Variants in ULK4 observed in about 807,000 individuals in gnomAD.
ULK4 encodes the protein inactive serine/threonine-protein kinase ULK4.
ULK4 carries 133 observed loss-of-function variants against 160.6 expected under a neutral mutation model. The observed-to-expected ratio is 0.83, with a 90% CI of 0.72 to 0.96. The LOEUF (loss-of-function observed/expected upper bound fraction) is 0.96, where lower values mean the gene tolerates loss of function less well. Ranked by LOEUF, ULK4 falls within the 40% of genes least tolerant of loss-of-function variation. The pLI is 0.00. For synonymous variants in ULK4, 534 were observed against 539.8 expected (o/e 0.99, Z 0.15); for missense variants, 1,580 against 1,499.5 (o/e 1.05, Z -0.89).
rs150254976 is a variant in ULK4 at position 41,268,838 on chromosome 3, C to G, written c.3679-19264G>C. ...CAAAAAAAAAAAAAAAAAAAAAGCC[C>G]CACACTCCACCCTCTTCCCAGAAAG... is the stretch of plus-strand genomic sequence containing the variant. On this transcript the variant is annotated intron_variant, in intron 35 of 36. Coordinates refer to ENST00000301831, the MANE Select transcript of ULK4 (RefSeq NM_017886.4). Among the ~76,000 whole-genome samples, 820 of 150,016 alleles carry G rather than the reference C, an allele frequency of 5.5e-3. 9 individuals are homozygous for G. The highest frequency in any genetic ancestry group is 0.019 in the African/African-American group (788 of 40,598).
intron 34 of ULK4, among the ~76,000 whole-genome samples, chr3:41,453,667 G>A (rs2083472445): frequency 6.6e-6 from 1 of 152,134 alleles, no homozygotes; most frequent in Non-Finnish European, 1.5e-5. Context: ...CACACAGCTG[G>A]TAAGTGGCAG....
chr3:41,295,691 C>A (rs1179053051), intron 35 of ULK4, among the ~76,000 whole-genome samples: 1 of 148,524 alleles, frequency 6.7e-6, no homozygotes, highest in African/African-American at 2.5e-5. Context: ...TGCTCCACAT[C>A]GTTTGACATC....
chr3:41,407,370 AC>A (rs1279925202), intron 34 of ULK4, among the ~76,000 whole-genome samples: 1 of 152,156 alleles, frequency 6.6e-6, no homozygotes, highest in Admixed American at 6.5e-5. Context: ...GGTCAGTACT[AC>A]CCTGATACCC....
chr3:41,504,484 T>A (rs1399217705), intron 32 of ULK4, among the ~76,000 whole-genome samples: 4 of 152,200 alleles, frequency 2.6e-5, no homozygotes, highest in Admixed American at 2.6e-4. Flanking sequence ...TATGCAAATA[T>A]GGAAGTGTAG....
At chr3:41,522,916 G>A (rs9878598) in intron 32 of ULK4, among the ~76,000 whole-genome samples, 2 of 151,840 alleles carry the variant, frequency 1.3e-5, no homozygotes, top group Non-Finnish European at 2.9e-5. Context: ...TGTTTGTTTT[G>A]TTTTTGTTTT....
At chr3:41,814,122 G>A (rs1228544629) in intron 19 of ULK4, among the ~76,000 whole-genome samples, 1 of 152,198 alleles carries the variant, frequency 6.6e-6, no homozygotes, top group Non-Finnish European at 1.5e-5. Flanking sequence ...TCTGCTCGCA[G>A]GGGAGGCTCC....
intron 17 of ULK4, among the ~76,000 whole-genome samples, chr3:41,858,020 T>C (rs1439759418): frequency 6.6e-6 from 1 of 152,094 alleles, no homozygotes; most frequent in East Asian, 1.9e-4. Context: ...CTTGCTTTTC[T>C]AAATCTTTAA....
intron 34 of ULK4, among the ~76,000 whole-genome samples, chr3:41,420,517 C>A (rs2082640282): frequency 1.1e-5 from 1 of 93,910 alleles, no homozygotes; most frequent in Non-Finnish European, 1.9e-5. Flanking sequence ...GAGTCTCACT[C>A]TGTCACCCAG....
At chr3:41,586,752 A>G (rs1012751845) in intron 31 of ULK4, among the ~76,000 whole-genome samples, 3 of 152,182 alleles carry the variant, frequency 2.0e-5, no homozygotes, top group Admixed American at 2.0e-4. Flanking sequence ...AGGAAAAACT[A>G]TTTTTGTTTC....
At chr3:41,588,395 A>T (rs1268248355) in intron 31 of ULK4, among the ~76,000 whole-genome samples, 1 of 152,248 alleles carries the variant, frequency 6.6e-6, no homozygotes, top group African/African-American at 2.4e-5. Flanking sequence ...TTGAATTTTC[A>T]AATTTTCACA....
chr3:41,276,910 T>G (rs1196217319), intron 35 of ULK4, among the ~76,000 whole-genome samples: 1 of 151,626 alleles, frequency 6.6e-6, no homozygotes. Flanking sequence ...CCAAATAACC[T>G]CACTAAGAAA....
chr3:41,328,672 C>T (rs1490782892), intron 35 of ULK4, among the ~76,000 whole-genome samples: 1 of 152,046 alleles, frequency 6.6e-6, no homozygotes, highest in Non-Finnish European at 1.5e-5. Context: ...GCTGAGCTTC[C>T]TGATACGAGA....
intron 35 of ULK4, among the ~76,000 whole-genome samples, chr3:41,275,621 G>A (rs1016855396): frequency 1.3e-5 from 2 of 152,180 alleles, no homozygotes; most frequent in African/African-American, 4.8e-5. Flanking sequence ...GGGGAGATAG[G>A]GGGTGGGAAA....
chr3:41,555,374 C>A (rs745534081), intron 32 of ULK4, among the ~76,000 whole-genome samples: 6 of 149,202 alleles, frequency 4.0e-5, no homozygotes, highest in Non-Finnish European at 8.9e-5. Context: ...AGGACATGAA[C>A]AGATACTTTT....
At chr3:41,313,449 T>TA (rs1360652907) in intron 35 of ULK4, among the ~76,000 whole-genome samples, 1 of 152,216 alleles carries the variant, frequency 6.6e-6, no homozygotes, top group Non-Finnish European at 1.5e-5. Flanking sequence ...ATAGTGGGAC[T>TA]ATTAACATTC....
At chr3:41,312,083 C>A (rs2080062252) in intron 35 of ULK4, among the ~76,000 whole-genome samples, 1 of 151,922 alleles carries the variant, frequency 6.6e-6, no homozygotes, top group South Asian at 2.1e-4. Flanking sequence ...CAGCTAACCT[C>A]CTGCCTCAGC....
intron 34 of ULK4, among the ~76,000 whole-genome samples, chr3:41,438,587 T>C (rs1185809474): frequency 6.6e-6 from 1 of 151,994 alleles, no homozygotes; most frequent in East Asian, 1.9e-4. Context: ...AGAAATAGGA[T>C]CTTCAGGATC....
chr3:41,333,035 C>T (rs1197718386), intron 35 of ULK4, among the ~76,000 whole-genome samples: 1 of 150,512 alleles, frequency 6.6e-6, no homozygotes, highest in African/African-American at 2.5e-5. Context: ...GATAATAACA[C>T]ACTTCTAGGT....
intron 22 of ULK4, among the ~76,000 whole-genome samples, chr3:41,737,093 T>C (rs910616374): frequency 6.6e-6 from 1 of 151,972 alleles, no homozygotes; most frequent in Non-Finnish European, 1.5e-5. Flanking sequence ...TTGGTTACTG[T>C]AGCCTTGTAG....
Sources: gnomAD v4.1 joint callset for allele counts (sites outside exome capture counted in the v4.1 genomes callset) on GRCh38, gnomAD v4.1.1 for gene constraint, MANE v1.5 for transcripts, NCBI Gene and HGNC (gene_info 2026-07-23, HGNC 2026-07-21) for gene names.